KCTD16: variants seen among roughly 807,000 people sequenced by gnomAD.
KCTD16 encodes the protein BTB/POZ domain-containing protein KCTD16.
A neutral mutation model predicts 33.2 loss-of-function variants in KCTD16; 13 were observed. That is an observed-to-expected ratio of 0.39 (90% CI 0.25 to 0.62). KCTD16 has a LOEUF of 0.62. Ranked by LOEUF, KCTD16 falls within the 20% of genes least tolerant of loss-of-function variation. KCTD16 has a pLI of 0.50. For synonymous variants in KCTD16, 197 were observed against 195.3 expected, an observed-to-expected ratio of 1.01 and a Z score of -0.07; for missense variants, 441 against 525.1, an observed-to-expected ratio of 0.84 and a Z score of 1.57.
At chr5:144,405,986 A>G (rs1373663671) in intron 3 of KCTD16, among the ~76,000 whole-genome samples, 1 of 152,192 alleles carries the variant, frequency 6.6e-6, no homozygotes, top group African/African-American at 2.4e-5. Context: ...TATAGAACAG[A>G]TTTGCTGAAA....
chr5:144,448,522 G>A (rs556178546), intron 3 of KCTD16, among the ~76,000 whole-genome samples: 2 of 152,126 alleles, frequency 1.3e-5, no homozygotes, highest in South Asian at 2.1e-4. Flanking sequence ...ATTTATATTC[G>A]TAACACTGAG....
chr5:144,260,709 G>A (rs1366538683), intron 3 of KCTD16, among the ~76,000 whole-genome samples: 1 of 151,974 alleles, frequency 6.6e-6, no homozygotes, highest in Non-Finnish European at 1.5e-5. Flanking sequence ...TATAATTGGT[G>A]TAGCATGTCG....
intron 3 of KCTD16, among the ~76,000 whole-genome samples, chr5:144,429,383 A>G (rs1268912892): frequency 2.0e-5 from 3 of 152,158 alleles, no homozygotes; most frequent in Non-Finnish European, 2.9e-5. Flanking sequence ...CTCTAGCTAC[A>G]GGAAGTACTT....
intron 3 of KCTD16, among the ~76,000 whole-genome samples, chr5:144,418,677 G>A (rs1382073127): frequency 6.6e-6 from 1 of 152,118 alleles, no homozygotes; most frequent in Admixed American, 6.6e-5. Flanking sequence ...TTCCAATCCT[G>A]GCAGAAACAC....
At chr5:144,199,349 C>A (rs1295472117) in intron 2 of KCTD16, among the ~76,000 whole-genome samples, 1 of 152,160 alleles carries the variant, frequency 6.6e-6, no homozygotes, top group African/African-American at 2.4e-5. Context: ...AAGACTCCAC[C>A]AACATGTGTA....
At chr5:144,391,735 T>C (rs566683072) in intron 3 of KCTD16, among the ~76,000 whole-genome samples, 13 of 152,346 alleles carry the variant, frequency 8.5e-5, no homozygotes, top group African/African-American at 2.9e-4. Flanking sequence ...AAATATTCTT[T>C]GTAAACTGTG....
At chr5:144,262,871 C>T (rs942145761) in intron 3 of KCTD16, among the ~76,000 whole-genome samples, 1 of 152,160 alleles carries the variant, frequency 6.6e-6, no homozygotes, top group Non-Finnish European at 1.5e-5. Context: ...TGTTCATGAG[C>T]TCTCTGAGGG....
chr5:144,354,516 A>G (rs1751528333), intron 3 of KCTD16, among the ~76,000 whole-genome samples: 1 of 152,202 alleles, frequency 6.6e-6, no homozygotes, highest in Non-Finnish European at 1.5e-5. Context: ...CCAGCCCAAG[A>G]TCCTTAGAGC....
At chr5:144,387,115 C>T (rs950728344) in intron 3 of KCTD16, among the ~76,000 whole-genome samples, 17 of 151,330 alleles carry the variant, frequency 1.1e-4, no homozygotes, top group African/African-American at 2.2e-4. Context: ...TACAGGCATG[C>T]GCCACCTCAC....
chr5:144,439,033 GT>G (rs58143416), intron 3 of KCTD16, among the ~76,000 whole-genome samples: 9,658 of 147,386 alleles, frequency 0.066, 1,039 homozygotes, highest in African/African-American at 0.22. Context: ...AATTTCATCT[GT>G]TTTTTTTTTC....
intron 3 of KCTD16, among the ~76,000 whole-genome samples, chr5:144,323,835 AC>A (rs542622766): frequency 2.1e-4 from 32 of 152,190 alleles, no homozygotes; most frequent in African/African-American, 6.3e-4. Flanking sequence ...CCCTATTAAA[AC>A]CTTAGCTCTA....
At chr5:144,423,687 C>A (rs1053301792) in intron 3 of KCTD16, among the ~76,000 whole-genome samples, 3 of 152,142 alleles carry the variant, frequency 2.0e-5, no homozygotes, top group African/African-American at 7.2e-5. Context: ...GATGGAAAAA[C>A]CTTGAACTAA....
intron 3 of KCTD16, among the ~76,000 whole-genome samples, chr5:144,280,899 C>CA (rs1755584875): frequency 6.7e-6 from 1 of 150,078 alleles, no homozygotes; most frequent in South Asian, 2.1e-4. Context: ...AAACAAAATA[C>CA]AAAAAATTAG....
intron 1 of KCTD16, among the ~76,000 whole-genome samples, chr5:144,173,015 G>T (rs1040427999): frequency 2.0e-5 from 3 of 152,182 alleles, no homozygotes; most frequent in Admixed American, 6.5e-5. Flanking sequence ...AAAGGAATGC[G>T]TATACACTGT....
intron 3 of KCTD16, among the ~76,000 whole-genome samples, chr5:144,280,413 C>G (rs967578786): frequency 6.6e-6 from 1 of 152,012 alleles, no homozygotes; most frequent in Admixed American, 6.6e-5. Flanking sequence ...GGCAGTGTAT[C>G]TTTTAACTGG....
chr5:144,391,258 G>T (rs1752442599), intron 3 of KCTD16, among the ~76,000 whole-genome samples: 1 of 152,222 alleles, frequency 6.6e-6, no homozygotes, highest in African/African-American at 2.4e-5. Context: ...AGGCTTCTCA[G>T]AAATGTGCTT....
chr5:144,452,483 G>C (rs557013745), intron 3 of KCTD16, among the ~76,000 whole-genome samples: 1 of 151,928 alleles, frequency 6.6e-6, no homozygotes, highest in African/African-American at 2.4e-5. Flanking sequence ...GTGGATTGGG[G>C]GGAGCAAGAG....
At chr5:144,250,803 G>A (rs1272448670) in intron 3 of KCTD16, among the ~76,000 whole-genome samples, 1 of 151,928 alleles carries the variant, frequency 6.6e-6, no homozygotes, top group Non-Finnish European at 1.5e-5. Flanking sequence ...ATCTATATGT[G>A]TCATTTCATA....
At chr5:144,251,633 T>C (rs866320423) in intron 3 of KCTD16, among the ~76,000 whole-genome samples, 1 of 152,164 alleles carries the variant, frequency 6.6e-6, no homozygotes. Flanking sequence ...TCCAAAGATG[T>C]GGCTTTTCTT....
Sources: gnomAD v4.1 joint callset for allele counts (sites outside exome capture counted in the v4.1 genomes callset) on GRCh38, gnomAD v4.1.1 for gene constraint, MANE v1.5 for transcripts, NCBI Gene and HGNC (gene_info 2026-07-23, HGNC 2026-07-21) for gene names.